Variants in DEPDC5 observed in about 807,000 individuals in gnomAD.
DEPDC5 encodes GATOR1 complex protein DEPDC5.
In DEPDC5, 73 loss-of-function variants were observed where a neutral mutation model predicts 217.3. That is an observed-to-expected ratio of 0.34 (90% confidence interval 0.28 to 0.41). The LOEUF is 0.41. DEPDC5 is among the 10% of genes least tolerant of loss of function. The pLI is 1.00. For synonymous variants in DEPDC5, 733 were observed against 756.7 expected (o/e 0.97, Z 0.51); for missense variants, 1,675 against 2,070.1 (o/e 0.81, Z 3.70).
At chr22:31,842,897 G>A (rs1190307531) in intron 27 of DEPDC5, among the ~76,000 whole-genome samples, 198 bp from the exon 28 acceptor site, 3 of 152,112 alleles carry the variant, frequency 2.0e-5, no homozygotes, top group Non-Finnish European at 4.4e-5. Flanking sequence ...TCTGCTCCTG[G>A]TTGGTTTAAT....
chr22:31,802,796 C>T lies in DEPDC5; in HGVS notation c.1039C>T (p.Arg347Cys), dbSNP rs1191950663. Residue 347 changes from arginine to cysteine, a missense_variant, in exon 15 of 43, where the codon CGC (arginine) becomes TGC (cysteine). Arg to Cys is a radical substitution (Grantham distance 180). This residue lies in a region of DEPDC5 where 628 missense variants were observed against 762.1 expected (regional missense o/e 0.82). Transcript: ENST00000651528. ...TPGVGVFEVD[R>C]LLMILTKQRM... ...CGGGGTGGGTGTCTTTGAAGTGGAC[C>T]GCCTACTCATGATCCTGACCAAGCA... 7 of 1,607,168 alleles carry T rather than the reference C, an allele frequency of 4.4e-6. No individual in the cohort carries two copies. Among genetic ancestry groups the T allele is most frequent in the Non-Finnish European group, 5.9e-6 (7 of 1,177,230 alleles).
chr22:31,874,842 C>A (rs372473335), intron 36 of DEPDC5, among the ~76,000 whole-genome samples: 1 of 152,178 alleles, frequency 6.6e-6, no homozygotes, highest in Non-Finnish European at 1.5e-5. Context: ...GAATGAAGAT[C>A]TTTCTCTCAT....
At chr22:31,864,294 G>A (rs1343599093) in intron 33 of DEPDC5, among the ~76,000 whole-genome samples, 2 of 150,916 alleles carry the variant, frequency 1.3e-5, no homozygotes, top group African/African-American at 4.9e-5. Context: ...ATTTTTAGTA[G>A]AAATGGGGTT....
intron 20 of DEPDC5, 26 bp from the exon 21 acceptor site, chr22:31,814,966 G>C: frequency 6.2e-7 from 1 of 1,613,210 alleles, no homozygotes; most frequent in Non-Finnish European, 8.5e-7. Flanking sequence ...TCGCTTGATG[G>C]TAACTTTTTG....
At chr22:31,795,930 A>G (rs2086195708) in intron 12 of DEPDC5, among the ~76,000 whole-genome samples, 1 of 151,282 alleles carries the variant, frequency 6.6e-6, no homozygotes, top group East Asian at 2.0e-4. Flanking sequence ...GGGTTTCTCC[A>G]TATTGGTCAG....
chr22:31,836,185 G>C (rs2090981482), intron 25 of DEPDC5, among the ~76,000 whole-genome samples: 1 of 152,238 alleles, frequency 6.6e-6, no homozygotes, highest in South Asian at 2.1e-4. Context: ...AGACATTTCT[G>C]GTTTTCACAG....
chr22:31,767,507 T>A (rs954067059), intron 6 of DEPDC5, among the ~76,000 whole-genome samples: 1 of 151,990 alleles, frequency 6.6e-6, no homozygotes, highest in African/African-American at 2.4e-5. Flanking sequence ...GTTGGTCAGG[T>A]TGGTCTCGAA....
chr22:31,758,029 A>T (rs1218122364), intron 2 of DEPDC5, among the ~76,000 whole-genome samples: 3 of 152,032 alleles, frequency 2.0e-5, no homozygotes, highest in Admixed American at 6.6e-5. Flanking sequence ...CTCTCAAAGT[A>T]TTGGGATTAC....
intron 40 of DEPDC5, among the ~76,000 whole-genome samples, chr22:31,901,189 G>A (rs1442735037): frequency 6.6e-6 from 1 of 150,708 alleles, no homozygotes; most frequent in African/African-American, 2.5e-5. Context: ...GTTGCAGTGA[G>A]CCAAGATCGC....
At chr22:31,903,727 C>A (rs1045751332) in intron 41 of DEPDC5, among the ~76,000 whole-genome samples, 14 of 125,438 alleles carry the variant, frequency 1.1e-4, no homozygotes, top group African/African-American at 3.9e-4. Flanking sequence ...TAACCTCTCC[C>A]ACCTTTCACA....
intron 41 of DEPDC5, among the ~76,000 whole-genome samples, chr22:31,903,673 A>C: frequency 1.5e-5 from 1 of 65,628 alleles, no homozygotes; most frequent in Non-Finnish European, 3.0e-5. Context: ...TCCACAACTA[A>C]ACCCCTCCAC....
intron 10 of DEPDC5, 176 bp downstream of exon 10, chr22:31,785,051 C>A: frequency 1.8e-6 from 1 of 563,572 alleles, no homozygotes; most frequent in Non-Finnish European, 3.1e-6. Flanking sequence ...AAACACAAAG[C>A]TAACATCACA....
chr22:31,815,876 T>C, intron 21 of DEPDC5: 3 of 1,085,872 alleles, frequency 2.8e-6, no homozygotes, highest in Non-Finnish European at 3.3e-6. Flanking sequence ...TCATCCATCA[T>C]TTAACTGTAT....
chr22:31,792,063 G>A lies in DEPDC5; in HGVS notation c.655G>A (p.Val219Ile). Residue 219 changes from valine (V) to isoleucine (I), a missense_variant, in exon 11 of 43, where the codon GTC becomes ATC. By Grantham distance (29) the Val-to-Ile change is conservative (BLOSUM62 3). This residue lies in a region of DEPDC5 where 628 missense variants were observed against 762.1 expected (regional missense o/e 0.82). Transcript: ENST00000651528. Reference sequence around the variant, plus strand: ...GAACTGTAGTCATGAAGTGACAGTGGTCCTGTTTTCTAGAACTTTCTATGA... The same window carrying A: ...GAACTGTAGTCATGAAGTGACAGTGATCCTGTTTTCTAGAACTTTCTATGA... ...EKNCSHEVTV[V>I]LFSRTFYDAK... The A allele has an allele frequency of 6.2e-7, 1 of 1,613,060 alleles. No individual in the cohort carries two copies. Among genetic ancestry groups the A allele is most frequent in the Non-Finnish European group, 8.5e-7 (1 of 1,179,408 alleles).
intron 7 of DEPDC5, among the ~76,000 whole-genome samples, chr22:31,772,186 A>G (rs964958090): frequency 9.2e-5 from 14 of 152,174 alleles, no homozygotes; most frequent in Non-Finnish European, 1.9e-4. Context: ...CTATTATTGC[A>G]TTATTGTACT....
chr22:31,901,270 C>A (rs1013229371), intron 40 of DEPDC5, among the ~76,000 whole-genome samples: 1 of 151,478 alleles, frequency 6.6e-6, no homozygotes, highest in Non-Finnish European at 1.5e-5. Context: ...AATTAGTTGG[C>A]CATAGTGGTG....
chr22:31,755,234 T>A (rs1490607803), intron 2 of DEPDC5: 1 of 507,754 alleles, frequency 2.0e-6, no homozygotes, highest in African/African-American at 1.9e-5. Context: ...CATTATTAAT[T>A]ACAAATCTTC....
chr22:31,841,050 G>A (rs1330454120), intron 27 of DEPDC5, among the ~76,000 whole-genome samples: 1 of 152,270 alleles, frequency 6.6e-6, no homozygotes, highest in Non-Finnish European at 1.5e-5. Flanking sequence ...CCATGGCATT[G>A]TCTTCCCAAC....
intron 26 of DEPDC5, 195 bp downstream of exon 26, chr22:31,837,350 T>C (rs929320622): frequency 6.1e-6 from 4 of 654,070 alleles, no homozygotes; most frequent in Admixed American, 3.3e-5. Context: ...TCTTTTTTTT[T>C]CCTTTTTTTT....
Sources: gnomAD v4.1 joint callset for allele counts (sites outside exome capture counted in the v4.1 genomes callset) on GRCh38, gnomAD v4.1.1 for gene constraint, gnomAD v4.1.1 regional missense constraint, MANE v1.5 for transcripts, NCBI Gene and HGNC (gene_info 2026-07-23, HGNC 2026-07-21) for gene names.